The following ZNF106 variants were observed in gnomAD, a reference collection of about 807,000 sequenced individuals.
ZNF106 encodes SH3-domain binding protein 3.
ZNF106 carries 67 observed loss-of-function variants against 195.1 expected under a neutral mutation model. The ratio of observed to expected loss-of-function variants is 0.34; its 90% CI spans 0.28 to 0.42. ZNF106 has a LOEUF of 0.42. Among genes scored for constraint, ZNF106 ranks in the 10% least tolerant of loss-of-function variants. The pLI, the probability that ZNF106 is intolerant of heterozygous loss-of-function variation, is 1.00. For synonymous variants in ZNF106, 784 were observed against 818.6 expected, an observed-to-expected ratio of 0.96 and a Z score of 0.72; for missense variants, 2,118 against 2,304.5, an observed-to-expected ratio of 0.92 and a Z score of 1.66.
rs763451559 is a variant in ZNF106 at position 42,450,451 on chromosome 15, G to A, written c.1821C>T (p.His607=). Residue 607 remains histidine (H), a synonymous_variant, in exon 5 of 22, where the codon CAC becomes CAT. Transcript: ENST00000564754. The part of the protein sequence containing the change: ...KGSLKIEFQV[H]ALEDESDGET... ...CTCCATCACTTTCATCTTCTAGTGC[G>A]TGCACTTGAAACTCAATTTTCAAAG... The A allele has an allele frequency of 2.1e-5, 34 of 1,613,934 alleles. No individual in the cohort carries two copies. The highest frequency in any genetic ancestry group is 6.7e-5 in the African/African-American group (5 of 74,874).
At chr15:42,419,063 CAAAAAAAAA>C (rs367772491) in intron 20 of ZNF106, among the ~76,000 whole-genome samples, 1 of 105,786 alleles carries the variant, frequency 9.5e-6, no homozygotes, top group African/African-American at 3.5e-5. Context: ...CTTTCTCTAC[CAAAAAAAAA>C]AAAAAAAAAA....
intron 1 of ZNF106, among the ~76,000 whole-genome samples, chr15:42,487,490 CAAAAAA>C (rs961444853): frequency 9.2e-4 from 41 of 44,720 alleles, no homozygotes; most frequent in African/African-American, 3.4e-3. Context: ...GACCCTGTCT[CAAAAAA>C]AAAAAAAAAA....
chr15:42,420,229 G>A (rs763838447), intron 20 of ZNF106, among the ~76,000 whole-genome samples: 32 of 152,054 alleles, frequency 2.1e-4, no homozygotes, highest in Non-Finnish European at 4.4e-4. Flanking sequence ...ACATTATTCT[G>A]AGCAGTGTGA....
intron 1 of ZNF106, among the ~76,000 whole-genome samples, chr15:42,474,369 T>C (rs1274493535): frequency 6.6e-6 from 1 of 152,226 alleles, no homozygotes; most frequent in African/African-American, 2.4e-5. Context: ...GTGTATGACA[T>C]ATCATAAGGA....
At chr15:42,435,589 A>G in intron 13 of ZNF106, 71 bp from the exon 14 acceptor site, 1 of 1,579,996 alleles carries the variant, frequency 6.3e-7, no homozygotes, top group Non-Finnish European at 8.7e-7. Flanking sequence ...TTTCCTCAAC[A>G]AAAAGATGCT....
Position 42,448,204 on chromosome 15 carries a change from G to A in ZNF106, c.3003C>T (p.Asn1001=). 6.2e-7 allele frequency: 1 copy of A among 1,614,186 alleles called. No homozygotes were observed. The highest frequency in any genetic ancestry group is 8.5e-7 in the Non-Finnish European group (1 of 1,180,030). Residue 1001 remains asparagine (N), a synonymous_variant, in exon 6 of 22, where the codon AAC becomes AAT. Coordinates refer to ENST00000564754, the MANE Select transcript of ZNF106 (RefSeq NM_001366845.3). The stretch of plus-strand genomic sequence containing the variant: ...CTGAGGATGCGCTTGATGACAGACA[G>A]TTTCCCTCTCCATTACTCTCCTGGG... ...QNSQESNGEG[N]CLSSSASSAL...
chr15:42,481,363 T>G (rs796235432), intron 1 of ZNF106, among the ~76,000 whole-genome samples: 15,325 of 142,752 alleles, frequency 0.11, 1,058 homozygotes, highest in African/African-American at 0.18. Context: ...TGTTGTTTTT[T>G]TTTTTTTTTT....
In ZNF106 at chr15:42,444,956, C is replaced by T. The variant is rs201407066; in HGVS notation, c.3231G>A (p.Leu1077=). ...GTTCTTCCTCCCTTAAAGAAATATT[C>T]AGCAGCTGGTCAACCTGAGAACGTT... ...KKERSQVDQL[L]NISLREEELS... The change falls in exon 8 of 22, where the codon CTG becomes CTA. Residue 1077 remains leucine (L), a synonymous_variant. Coordinates refer to ENST00000564754, the MANE Select transcript of ZNF106 (RefSeq NM_001366845.3). 3.1e-6 allele frequency: 5 copies of T among 1,614,170 alleles called. No individual in the cohort carries two copies. Among genetic ancestry groups the T allele is most frequent in the East Asian group, 2.2e-5 (1 of 44,886 alleles).
In ZNF106 at chr15:42,448,299, G is replaced by A. The variant is rs1270344635; in HGVS notation, c.2908C>T (p.Pro970Ser). 2 of 1,614,154 alleles carry A rather than the reference G, an allele frequency of 1.2e-6. No homozygotes were observed. The highest frequency in any genetic ancestry group is 2.2e-5 in the South Asian group (2 of 91,088). Residue 970 changes from proline to serine, a missense_variant, in exon 6 of 22, where the codon CCT (proline) becomes TCT (serine). Pro to Ser is a moderately conservative substitution (Grantham distance 74, BLOSUM62 -1). Transcript: ENST00000564754. ...AAGTCTTTTGCCAAATGCATCAAAG[G>A]TATTATATGGTCAGAGGATAATTGT... ...SAQLSSDHII[P>S]LMHLAKDLNS...
At chr15:42,438,355 C>G (rs1394734498) in intron 12 of ZNF106, among the ~76,000 whole-genome samples, 1 of 152,196 alleles carries the variant, frequency 6.6e-6, no homozygotes, top group African/African-American at 2.4e-5. Context: ...AGCGCCACTG[C>G]ACTCCAGCCC....
intron 1 of ZNF106, among the ~76,000 whole-genome samples, chr15:42,489,553 CT>C (rs2057093587): frequency 6.6e-6 from 1 of 152,180 alleles, no homozygotes; most frequent in Admixed American, 6.5e-5. Context: ...ATCTTCTAGA[CT>C]CAAGAGTTAA....
chr15:42,488,852 G>C (rs2057072189), intron 1 of ZNF106, among the ~76,000 whole-genome samples: 3 of 152,072 alleles, frequency 2.0e-5, no homozygotes, highest in Admixed American at 2.0e-4. Flanking sequence ...TGAGGTGGGT[G>C]GATCACCTAA....
intron 1 of ZNF106, among the ~76,000 whole-genome samples, chr15:42,477,335 T>C (rs2056805836): frequency 6.6e-6 from 1 of 152,258 alleles, no homozygotes; most frequent in African/African-American, 2.4e-5. Flanking sequence ...ACTGCTTCAC[T>C]GGCATCCCAC....
In ZNF106 at chr15:42,424,892, C is replaced by T. The variant is rs183828961; in HGVS notation, c.5132G>A (p.Arg1711Gln). The T allele has an allele frequency of 1.5e-5, 25 of 1,613,988 alleles. 1 individual carries two copies. Among genetic ancestry groups the T allele is most frequent in the African/African-American group, 5.3e-5 (4 of 74,900 alleles). The change falls in exon 16 of 22, where the codon CGG becomes CAG. Residue 1711 changes from arginine to glutamine, a missense_variant. Coordinates refer to ENST00000564754, the MANE Select transcript of ZNF106 (RefSeq NM_001366845.3). ...CAGAGTTCTGAGGAGCAGTCCATTC[C>T]GGGCATCGCGTACACTAATTGTGCA... ...YDCTISVRDA[R>Q]NGLLLRTLEG...
Position 42,439,939 on chromosome 15 carries a change from C to T in ZNF106, c.3764-126G>A, listed in dbSNP as rs1455583203. On this transcript the variant is annotated intron_variant, in intron 10 of 21. Transcript: ENST00000564754. Reference sequence around the variant, plus strand: ...ACCATGACTGTTTCAGCTGGTATCTCACCCCTCAGTTTCCCATCACCTACA... The same window carrying T: ...ACCATGACTGTTTCAGCTGGTATCTTACCCCTCAGTTTCCCATCACCTACA... 3 of 1,001,432 alleles carry T rather than the reference C, an allele frequency of 3.0e-6. No homozygotes were observed. In the Admixed American group the frequency reaches 1.0e-4, roughly 33 times the overall value. The allele number at this position is 1,001,432 out of a possible 1,614,324, so 62.0% of individuals were successfully genotyped here. A position where few individuals can be genotyped will look rare whatever the true frequency, so the allele number is the denominator to read the frequency against.
chr15:42,441,498 C>A (rs1450745577), intron 10 of ZNF106, among the ~76,000 whole-genome samples: 1 of 152,174 alleles, frequency 6.6e-6, no homozygotes. Flanking sequence ...AAATACAGCA[C>A]CACTGTGGTA....
chr15:42,475,924 T>C (rs920898359), intron 1 of ZNF106, among the ~76,000 whole-genome samples: 6 of 152,178 alleles, frequency 3.9e-5, no homozygotes, highest in African/African-American at 9.7e-5. Context: ...TTTTTATATA[T>C]TTACTTGGTT....
At position 42,415,269 on chromosome 15, in the gene ZNF106, A is replaced by C. The variant is rs535007351; in HGVS notation, c.*2035T>G. 8.7e-4 allele frequency: 298 copies of C among 341,328 alleles called. No individual in the cohort carries two copies. Among genetic ancestry groups the C allele is most frequent in the African/African-American group, 4.9e-3 (225 of 46,126 alleles). The allele number at this position is 341,328 out of a possible 1,614,324, so 21.1% of individuals were successfully genotyped here. A position where few individuals can be genotyped will look rare whatever the true frequency, so the allele number is the denominator to read the frequency against. On this transcript the variant is annotated 3_prime_UTR_variant, in exon 22 of 22. Transcript: ENST00000564754. ...CCTGAGTAGCTGAGACTACAGGCAC[A>C]TACCACCACACCCAGCTAATTTTTG...
At chr15:42,460,626 C>G (rs570844395) in intron 3 of ZNF106, among the ~76,000 whole-genome samples, 1 of 152,126 alleles carries the variant, frequency 6.6e-6, no homozygotes. Flanking sequence ...TTTGGGAGGC[C>G]GAGGCAGGCA....
Sources: allele counts gnomAD v4.1 joint callset (sites outside exome capture counted in the v4.1 genomes callset), GRCh38; gene constraint gnomAD v4.1.1; transcripts MANE v1.5; gene names NCBI Gene and HGNC (gene_info 2026-07-23, HGNC 2026-07-21).